INPP5B: variants seen among roughly 807,000 people sequenced by gnomAD.
The protein encoded by INPP5B is inositol polyphosphate-5-phosphatase B.
A neutral mutation model predicts 118.5 loss-of-function variants in INPP5B; 90 were observed. That is an observed-to-expected ratio of 0.76 (90% confidence interval 0.64 to 0.90). INPP5B has a LOEUF of 0.90. INPP5B is among the 40% of genes least tolerant of loss of function. The pLI, the probability that INPP5B is intolerant of heterozygous loss-of-function variation, is 0.00. For missense variants in INPP5B, 984 were observed against 1,125.6 expected (o/e 0.87, Z 1.80); for synonymous variants, 385 against 418.9 (o/e 0.92, Z 0.99).
At chr1:37,869,502 A>G (rs1642272335) in intron 19 of INPP5B, among the ~76,000 whole-genome samples, 1 of 150,280 alleles carries the variant, frequency 6.7e-6, no homozygotes, top group Admixed American at 6.7e-5. Flanking sequence ...TTTATTCGAG[A>G]TGGAGTCTTG....
chr1:37,928,104 C>T (rs1645308095), intron 7 of INPP5B, among the ~76,000 whole-genome samples: 1 of 152,152 alleles, frequency 6.6e-6, no homozygotes, highest in South Asian at 2.1e-4. Context: ...TACGTATTAT[C>T]AGACCCCTCT....
chr1:37,865,708 T>C, intron 22 of INPP5B, 53 bp downstream of exon 22: 1 of 1,598,690 alleles, frequency 6.3e-7, no homozygotes, highest in South Asian at 1.1e-5. Context: ...CTCTGTTCCC[T>C]TAGCCCCATG....
At chr1:37,862,463 A>G (rs1263265018) in intron 23 of INPP5B, 33 bp from the exon 24 acceptor site, 2 of 1,377,654 alleles carry the variant, frequency 1.5e-6, no homozygotes, top group Non-Finnish European at 1.0e-6. Context: ...GAAATGATTC[A>G]GCAAAAGAAG....
intron 13 of INPP5B, among the ~76,000 whole-genome samples, chr1:37,884,553 GA>G (rs1246138758): frequency 1.3e-5 from 2 of 152,166 alleles, no homozygotes; most frequent in East Asian, 1.9e-4. Flanking sequence ...AAAATGCTGG[GA>G]TAACAGGCAT....
intron 5 of INPP5B, among the ~76,000 whole-genome samples, 195 bp downstream of exon 5, chr1:37,943,445 G>C (rs1271733571): frequency 2.0e-5 from 3 of 152,106 alleles, no homozygotes; most frequent in African/African-American, 7.2e-5. Context: ...GTGTGTTATC[G>C]GGGGAGACGG....
chr1:37,871,188 T>C (rs1569985831), intron 19 of INPP5B, among the ~76,000 whole-genome samples: 1 of 141,142 alleles, frequency 7.1e-6, no homozygotes, highest in East Asian at 2.1e-4. Context: ...CCGGGCGCAG[T>C]GGCTCATGCT....
intron 6 of INPP5B, among the ~76,000 whole-genome samples, chr1:37,939,194 C>CAA (rs34249747): frequency 6.8e-5 from 5 of 73,032 alleles, no homozygotes; most frequent in African/African-American, 2.1e-4. Context: ...AACTCCGTCT[C>CAA]AAAAAAAAAA....
chr1:37,874,179 G>C (rs752481944), intron 17 of INPP5B, 24 bp from the exon 18 acceptor site: 1 of 1,531,376 alleles, frequency 6.5e-7, no homozygotes, highest in Middle Eastern at 1.8e-4. Context: ...CGGGGCCAGT[G>C]AAAACCAGTG....
At chr1:37,886,629 T>C (rs527878388) in intron 12 of INPP5B, among the ~76,000 whole-genome samples, 2 of 152,336 alleles carry the variant, frequency 1.3e-5, no homozygotes, top group South Asian at 4.1e-4. Context: ...ACATACTTCA[T>C]GGGTGAAATG....
chr1:37,920,071 C>T (rs1645002033), intron 7 of INPP5B, among the ~76,000 whole-genome samples: 1 of 152,076 alleles, frequency 6.6e-6, no homozygotes, highest in Non-Finnish European at 1.5e-5. Flanking sequence ...TTATTATGTC[C>T]ACGTTACAGA....
intron 5 of INPP5B, 33 bp from the exon 6 acceptor site, chr1:37,940,831 C>T (rs376014055): frequency 1.4e-6 from 2 of 1,469,282 alleles, no homozygotes; most frequent in Non-Finnish European, 1.9e-6. Context: ...GAACCCTTGG[C>T]TGCCAGGAGC....
intron 7 of INPP5B, among the ~76,000 whole-genome samples, chr1:37,894,560 T>C (rs1331758060): frequency 1.3e-5 from 2 of 148,968 alleles, no homozygotes; most frequent in Non-Finnish European, 3.0e-5. Context: ...TTTTCTTTTT[T>C]CTTTTTTTTT....
chr1:37,899,965 T>C (rs941646049), intron 7 of INPP5B, among the ~76,000 whole-genome samples: 4 of 151,820 alleles, frequency 2.6e-5, no homozygotes, highest in African/African-American at 4.8e-5. Flanking sequence ...CCGCCCGCCT[T>C]GGCCTCCCAG....
rs1644528052 is a variant in INPP5B at position 37,907,096 on chromosome 1, G to T, written c.533-15642C>A. 6.6e-6 allele frequency among the ~76,000 whole-genome samples: 1 copy of T among 152,108 alleles called. No homozygotes were observed. The highest frequency in any genetic ancestry group is 1.5e-5 in the Non-Finnish European group (1 of 68,032). On this transcript the variant is annotated intron_variant, in intron 7 of 23. Transcript: ENST00000373024. This position sits in a 1 kb window ranked among gnomAD's most constrained non-coding sequence, Gnocchi z 4.3. ...TCAGCTAGCAATCCCATATCAGCTT[G>T]GTTCCAACAGTTGCCCAGTTCATGA... is the stretch of plus-strand genomic sequence containing the variant.
chr1:37,926,524 C>T (rs188189215), intron 7 of INPP5B, among the ~76,000 whole-genome samples: 71 of 152,202 alleles, frequency 4.7e-4, no homozygotes, highest in African/African-American at 1.5e-3. Flanking sequence ...CCTTGTGATC[C>T]GCCCACCTCG....
intron 21 of INPP5B, 170 bp from the exon 22 acceptor site, chr1:37,866,058 G>A: frequency 6.0e-6 from 4 of 663,366 alleles, no homozygotes; most frequent in Non-Finnish European, 7.5e-6. Context: ...GGTGAGCCAG[G>A]CCCTCCTGAG....
At chr1:37,921,981 G>A (rs1328176860) in intron 7 of INPP5B, among the ~76,000 whole-genome samples, 1 of 152,142 alleles carries the variant, frequency 6.6e-6, no homozygotes, top group African/African-American at 2.4e-5. Context: ...GCAATGAGCC[G>A]AGATCATGCC....
At chr1:37,943,699 G>A in intron 4 of INPP5B, 30 bp from the exon 5 acceptor site, 1 of 1,613,882 alleles carries the variant, frequency 6.2e-7, no homozygotes, top group South Asian at 1.1e-5. Context: ...AATGCCCTTA[G>A]CAATTGAGCT....
At chr1:37,905,700 T>C (rs1216531238) in intron 7 of INPP5B, among the ~76,000 whole-genome samples, 4 of 152,246 alleles carry the variant, frequency 2.6e-5, no homozygotes, top group African/African-American at 9.6e-5. Flanking sequence ...AGGTTTCTAA[T>C]AACTTTGGAG....
Sources: allele counts gnomAD v4.1 joint callset (sites outside exome capture counted in the v4.1 genomes callset), GRCh38; gene constraint gnomAD v4.1.1; non-coding constraint Gnocchi (gnomAD v3.1); transcripts MANE v1.5; gene names NCBI Gene and HGNC (gene_info 2026-07-23, HGNC 2026-07-21).